Variants in EXOC2 observed in about 807,000 individuals in gnomAD.
EXOC2 encodes SEC5-like 1.
Under a neutral mutation model 131.8 loss-of-function variants are expected in EXOC2, and 70 were observed. That is an observed-to-expected ratio of 0.53 (90% CI 0.44 to 0.65). EXOC2 has a LOEUF of 0.65. EXOC2 is among the 30% of genes least tolerant of loss of function. The pLI is 0.00. For missense variants in EXOC2, 923 were observed against 1,108.6 expected, an observed-to-expected ratio of 0.83 and a Z score of 2.38; for synonymous variants, 411 against 398.4, an observed-to-expected ratio of 1.03 and a Z score of -0.38.
Position 507,097 on chromosome 6 carries a change from C to G in EXOC2, c.2381-7397G>C, listed in dbSNP as rs1216002835. On this transcript the variant is annotated intron_variant, in intron 23 of 27. Transcript: ENST00000230449. ...ACACACACAGCAGTGACTACATACA[C>G]ACACACACACAGCAGTGACTACACA... Among the ~76,000 whole-genome samples the G allele has an allele frequency of 2.1e-5, 3 of 143,692 alleles. No individual in the cohort carries two copies. In the East Asian group the frequency reaches 6.3e-4, roughly 30 times the overall value. The allele number at this position is 143,692 out of a possible 152,430, so 94.3% of individuals were successfully genotyped here.
chr6:675,372 T>C (rs1044819833), intron 1 of EXOC2, among the ~76,000 whole-genome samples: 1 of 152,218 alleles, frequency 6.6e-6, no homozygotes, highest in African/African-American at 2.4e-5. Flanking sequence ...AGCATTGTTT[T>C]TTGCTTTTCT....
In EXOC2 at chr6:538,740, T is replaced by C. The variant is rs377089534; in HGVS notation, c.2239-6130A>G. 2.6e-5 allele frequency among the ~76,000 whole-genome samples: 4 copies of C among 152,350 alleles called. No homozygotes were observed. In the East Asian group the frequency reaches 5.8e-4, roughly 22 times the overall value. ...AGCAATGCGCATTCAGTATGTTCCC[T>C]GGCTTATGATGTGCTACGTCAGGTT... On this transcript the variant is annotated intron_variant, in intron 22 of 27. Coordinates refer to ENST00000230449, the MANE Select transcript of EXOC2 (RefSeq NM_018303.6).
At chr6:546,549 C>T (rs756588480) in intron 22 of EXOC2, among the ~76,000 whole-genome samples, 2 of 152,196 alleles carry the variant, frequency 1.3e-5, no homozygotes, top group Admixed American at 6.5e-5. Context: ...CTTATACACG[C>T]ATTTTCTTCT....
rs189220799 is a variant in EXOC2 at position 534,907 on chromosome 6, A to C, written c.2239-2297T>G. Among the ~76,000 whole-genome samples the C allele has an allele frequency of 2.3e-3, 344 of 152,360 alleles. 2 individuals are homozygous for C. Among genetic ancestry groups the C allele is most frequent in the African/African-American group, 7.9e-3 (329 of 41,584 alleles). ...TACAAGTGTGAAGTAAGATTTCTTC[A>C]AAGGAAGGAGGCATCCAAAAGGGAA... On this transcript the variant is annotated intron_variant, in intron 22 of 27. Coordinates refer to ENST00000230449, the MANE Select transcript of EXOC2 (RefSeq NM_018303.6).
In EXOC2 at chr6:565,276, C is replaced by T. The variant is rs150958894; in HGVS notation, c.1444-347G>A. On this transcript the variant is annotated intron_variant, in intron 13 of 27. Transcript: ENST00000230449. Reference sequence around the variant, plus strand: ...ATCATACCCACGACAACACTGTCAACATCATTTCTCATTAGCTAGTAAAGA... The same window carrying T: ...ATCATACCCACGACAACACTGTCAATATCATTTCTCATTAGCTAGTAAAGA... 4.0e-3 allele frequency among the ~76,000 whole-genome samples: 604 copies of T among 152,330 alleles called. 6 individuals carry two copies. Among genetic ancestry groups the T allele is most frequent in the African/African-American group, 0.014 (572 of 41,576 alleles).
At chr6:571,633 C>A (rs1007812510) in intron 13 of EXOC2, among the ~76,000 whole-genome samples, 5 of 152,298 alleles carry the variant, frequency 3.3e-5, no homozygotes, top group East Asian at 1.9e-4. Flanking sequence ...GTGCAAAAAA[C>A]CAAAAATGGT....
chr6:652,197 A>C (rs781707177), intron 1 of EXOC2, among the ~76,000 whole-genome samples: 2 of 152,226 alleles, frequency 1.3e-5, no homozygotes, highest in African/African-American at 2.4e-5. Flanking sequence ...GGTTATTAAT[A>C]ATTTTTAAAG....
At chr6:662,524 T>C (rs1369321416) in intron 1 of EXOC2, among the ~76,000 whole-genome samples, 1 of 152,074 alleles carries the variant, frequency 6.6e-6, no homozygotes, top group Non-Finnish European at 1.5e-5. Flanking sequence ...TGCAAATACA[T>C]GGAAATTAAA....
At chr6:630,868 T>C (rs1175700927) in intron 3 of EXOC2, among the ~76,000 whole-genome samples, 4 of 152,212 alleles carry the variant, frequency 2.6e-5, no homozygotes, top group Non-Finnish European at 1.5e-5. Flanking sequence ...GCTTGTATAA[T>C]GGAAATAACC....
intron 1 of EXOC2, among the ~76,000 whole-genome samples, chr6:687,077 T>C (rs988725137): frequency 6.6e-6 from 1 of 151,760 alleles, no homozygotes; most frequent in Non-Finnish European, 1.5e-5. Flanking sequence ...TTTTAGGAAG[T>C]ATAGTTTTTC....
At chr6:649,013 C>T (rs540577827) in intron 1 of EXOC2, among the ~76,000 whole-genome samples, 53 of 152,162 alleles carry the variant, frequency 3.5e-4, no homozygotes, top group African/African-American at 1.2e-3. Flanking sequence ...GCACTGGGCC[C>T]TAACTCTTTT....
chr6:613,852 G>A (rs938879190), intron 6 of EXOC2, among the ~76,000 whole-genome samples: 3 of 151,768 alleles, frequency 2.0e-5, no homozygotes, highest in African/African-American at 7.3e-5. Flanking sequence ...TGCACGTTGT[G>A]CACATGTACC....
chr6:489,490 T>C (rs1289069082), intron 26 of EXOC2, among the ~76,000 whole-genome samples: 2 of 152,244 alleles, frequency 1.3e-5, no homozygotes, highest in Non-Finnish European at 2.9e-5. Flanking sequence ...CAATGTCTTG[T>C]AATAATTACA....
intron 20 of EXOC2, 25 bp from the exon 21 acceptor site, chr6:553,945 A>G (rs751068879): frequency 1.3e-6 from 2 of 1,593,424 alleles, no homozygotes; most frequent in African/African-American, 1.3e-5. Flanking sequence ...AAGTAGGAAC[A>G]GTTACAAATA....
intron 7 of EXOC2, among the ~76,000 whole-genome samples, chr6:609,016 T>C (rs886471116): frequency 6.6e-6 from 1 of 152,182 alleles, no homozygotes; most frequent in African/African-American, 2.4e-5. Context: ...AGGGAAGATC[T>C]CAGGGCAATT....
chr6:488,205 C>A (rs1440242654), intron 27 of EXOC2, among the ~76,000 whole-genome samples: 1 of 152,216 alleles, frequency 6.6e-6, no homozygotes, highest in African/African-American at 2.4e-5. Context: ...CAGCTCCCCC[C>A]CATGGCCCAG....
chr6:691,680 T>C (rs908423747), intron 1 of EXOC2, among the ~76,000 whole-genome samples: 1 of 152,198 alleles, frequency 6.6e-6, no homozygotes, highest in African/African-American at 2.4e-5. Context: ...TACATGGAAA[T>C]TTTTGACTGC....
At chr6:653,448 G>A (rs1384924941) in intron 1 of EXOC2, among the ~76,000 whole-genome samples, 1 of 152,200 alleles carries the variant, frequency 6.6e-6, no homozygotes, top group Non-Finnish European at 1.5e-5. Flanking sequence ...TGCTGATATG[G>A]AGAAAGTGTG....
chr6:538,971 T>C (rs570496469), intron 22 of EXOC2, among the ~76,000 whole-genome samples: 2 of 151,418 alleles, frequency 1.3e-5, no homozygotes, highest in East Asian at 3.9e-4. Flanking sequence ...ACTAGGGAGG[T>C]TGAGGCAGGA....
Sources: gnomAD v4.1 joint callset for allele counts (sites outside exome capture counted in the v4.1 genomes callset) on GRCh38, gnomAD v4.1.1 for gene constraint, MANE v1.5 for transcripts, NCBI Gene and HGNC (gene_info 2026-07-23, HGNC 2026-07-21) for gene names.